ADGRD1: variants seen among roughly 807,000 people sequenced by gnomAD.
ADGRD1 encodes the protein G-protein coupled receptor 133.
ADGRD1 carries 77 observed loss-of-function variants against 113.4 expected under a neutral mutation model. The ratio of observed to expected loss-of-function variants is 0.68; its 90% CI spans 0.57 to 0.82. ADGRD1 has a LOEUF of 0.82. ADGRD1 is among the 40% of genes least tolerant of loss of function. The probability of loss-of-function intolerance (pLI) is 0.00; values close to 1 mark genes in which losing one functional copy is unlikely to be tolerated. For synonymous variants in ADGRD1, 474 were observed against 475.0 expected (o/e 1.00, Z 0.03); for missense variants, 1,036 against 1,139.1 (o/e 0.91, Z 1.30).
chr12:131,130,831 C>T (rs1035552691), intron 20 of ADGRD1, among the ~76,000 whole-genome samples: 4 of 152,288 alleles, frequency 2.6e-5, no homozygotes, highest in African/African-American at 4.8e-5. Flanking sequence ...TCAGAGACTG[C>T]CAGGCTCTGG....
chr12:131,075,523 G>T lies in ADGRD1; in HGVS notation c.1474-1278G>T, dbSNP rs1022118604. 2.0e-5 allele frequency among the ~76,000 whole-genome samples: 3 copies of T among 152,190 alleles called. No individual in the cohort carries two copies. Among genetic ancestry groups the T allele is most frequent in the Non-Finnish European group, 4.4e-5 (3 of 68,032 alleles). On this transcript the variant is annotated intron_variant, in intron 13 of 24. Transcript: ENST00000261654. This position sits in a 1 kb window ranked among gnomAD's most constrained non-coding sequence, Gnocchi z 5.3. ...CCTAAGATACGGGGCGGCAGGGGTGGGGGACAAAGCAAAAAGAGTAAACGT... is the reference window on the plus strand; with the variant it reads ...CCTAAGATACGGGGCGGCAGGGGTGTGGGACAAAGCAAAAAGAGTAAACGT...
At chr12:131,012,271 C>G (rs1878016769) in intron 12 of ADGRD1, among the ~76,000 whole-genome samples, 1 of 108,016 alleles carries the variant, frequency 9.3e-6, no homozygotes, top group Non-Finnish European at 2.0e-5. Context: ...GTGATGCTTT[C>G]TTTTCATTTT....
At chr12:131,101,373 C>CTTTTTTTTTTTTTTTTTT (rs796951608) in intron 15 of ADGRD1, among the ~76,000 whole-genome samples, 17 of 79,338 alleles carry the variant, frequency 2.1e-4, no homozygotes, top group Middle Eastern at 0.01. Context: ...CTTTTTCTTT[C>CTTTTTTTTTTTTTTTTTT]TTTCTTTTTT....
intron 16 of ADGRD1, among the ~76,000 whole-genome samples, chr12:131,105,288 G>A (rs756379391): frequency 4.6e-5 from 7 of 152,238 alleles, no homozygotes; most frequent in Non-Finnish European, 7.3e-5. Context: ...AAACAAAAGC[G>A]AGAACAAACA....
At chr12:131,001,762 G>C (rs1418567319) in intron 9 of ADGRD1, among the ~76,000 whole-genome samples, 2 of 152,164 alleles carry the variant, frequency 1.3e-5, no homozygotes, top group Non-Finnish European at 2.9e-5. Flanking sequence ...GCCAGGCAGG[G>C]GCAGAGAAGG....
intron 13 of ADGRD1, among the ~76,000 whole-genome samples, chr12:131,033,633 C>T (rs1026210485): frequency 3.3e-5 from 5 of 152,104 alleles, no homozygotes; most frequent in Admixed American, 2.6e-4. Context: ...GCCTGGGTCC[C>T]GGTGGAGTGG....
In ADGRD1 at chr12:130,987,315, G is replaced by A. The variant is rs199837477; in HGVS notation, c.711G>A (p.Pro237=). The part of the protein sequence containing the change: ...EFIIWERALT[P]DEIAMYFTAA... ...TCATCTGGGAGCGGGCTCTGACTCC[G>A]GATGAGATCGCCATGTACTTCACTG... Residue 237 remains proline (P), a synonymous_variant, in exon 6 of 25, where the codon CCG becomes CCA. Coordinates refer to ENST00000261654, the MANE Select transcript of ADGRD1 (RefSeq NM_198827.5). 721 of 1,614,180 alleles carry A rather than the reference G, an allele frequency of 4.5e-4. No individual in the cohort carries two copies. The highest frequency in any genetic ancestry group is 6.6e-4 in the Middle Eastern group (4 of 6,056).
intron 13 of ADGRD1, among the ~76,000 whole-genome samples, chr12:131,051,604 C>T (rs1458317714): frequency 6.6e-6 from 1 of 152,042 alleles, no homozygotes. Flanking sequence ...GTCCTTCAGC[C>T]TCCTGAGTAG....
At chr12:131,127,663 G>A (rs545204017) in intron 20 of ADGRD1, among the ~76,000 whole-genome samples, 1 of 146,840 alleles carries the variant, frequency 6.8e-6, no homozygotes, top group South Asian at 2.2e-4. Context: ...GTTGTTATGG[G>A]ACTCTGAGCT....
At chr12:130,963,297 G>A (rs1337310141) in intron 2 of ADGRD1, among the ~76,000 whole-genome samples, 6 of 143,948 alleles carry the variant, frequency 4.2e-5, no homozygotes, top group Non-Finnish European at 7.5e-5. Context: ...TCCAGCCTGG[G>A]CGACAGAGCC....
At chr12:131,123,039 G>GTTTTTT (rs552353187) in intron 20 of ADGRD1, among the ~76,000 whole-genome samples, 117 of 51,332 alleles carry the variant, frequency 2.3e-3, no homozygotes, top group Admixed American at 2.8e-3. Flanking sequence ...TACCTGGGGA[G>GTTTTTT]TTTTTTTTTT....
At chr12:130,987,639 C>T in intron 6 of ADGRD1, 1 of 449,188 alleles carries the variant, frequency 2.2e-6, no homozygotes, top group Non-Finnish European at 4.1e-6. Context: ...AGCAAGTATT[C>T]CAGATCCATT....
At chr12:131,089,321 G>A (rs1886738680) in intron 15 of ADGRD1, among the ~76,000 whole-genome samples, 1 of 152,224 alleles carries the variant, frequency 6.6e-6, no homozygotes, top group African/African-American at 2.4e-5. Context: ...CGGGGCTTCT[G>A]GACACAGGCA....
chr12:131,072,791 C>G (rs79539782), intron 13 of ADGRD1, among the ~76,000 whole-genome samples: 189 of 152,324 alleles, frequency 1.2e-3, no homozygotes, highest in African/African-American at 4.5e-3. Context: ...GGATTGATCA[C>G]ATGTTGGAAG....
At chr12:131,127,363 CAT>C (rs1950763628) in intron 20 of ADGRD1, among the ~76,000 whole-genome samples, 1 of 152,164 alleles carries the variant, frequency 6.6e-6, no homozygotes, top group African/African-American at 2.4e-5. Flanking sequence ...TGGGAACAGT[CAT>C]GTGTGCATCT....
At position 131,084,314 on chromosome 12, in the gene ADGRD1, C is replaced by T. The variant is rs1389836423; in HGVS notation, c.1548-226C>T. On this transcript the variant is annotated intron_variant, in intron 14 of 24. Coordinates refer to ENST00000261654, the MANE Select transcript of ADGRD1 (RefSeq NM_198827.5). The surrounding 1 kb of genome is among the most constrained non-coding windows in gnomAD (Gnocchi z 4.5). Reference sequence around the variant, plus strand: ...TGTCCCAGAGGGAGGGCCTTGCTTCCTGTGGCCTGACCAGCAGCAGACACT... The same window carrying T: ...TGTCCCAGAGGGAGGGCCTTGCTTCTTGTGGCCTGACCAGCAGCAGACACT... Among the ~76,000 whole-genome samples, 2 of 152,162 alleles carry T rather than the reference C, an allele frequency of 1.3e-5. No individual in the cohort carries two copies. The highest frequency in any genetic ancestry group is 6.5e-5 in the Admixed American group (1 of 15,284).
intron 13 of ADGRD1, among the ~76,000 whole-genome samples, chr12:131,032,225 G>A (rs28633702): frequency 4.6e-5 from 7 of 152,054 alleles, no homozygotes; most frequent in South Asian, 2.1e-4. Context: ...GGCGGCAGAC[G>A]TTCCCTCTCC....
At chr12:130,975,713 G>A (rs766848541) in intron 4 of ADGRD1, among the ~76,000 whole-genome samples, 1 of 152,152 alleles carries the variant, frequency 6.6e-6, no homozygotes, top group Non-Finnish European at 1.5e-5. Flanking sequence ...TTGCTGTGTC[G>A]GTTAAGATGA....
At chr12:131,008,681 G>A (rs1151358) in intron 12 of ADGRD1, among the ~76,000 whole-genome samples, 72,867 of 152,030 alleles carry the variant, frequency 0.48, 19,305 homozygotes, top group East Asian at 0.76. Flanking sequence ...TCGCTGCCTG[G>A]CCCCGCAATG....
Sources: gnomAD v4.1 joint callset for allele counts (sites outside exome capture counted in the v4.1 genomes callset) on GRCh38, gnomAD v4.1.1 for gene constraint, Gnocchi (gnomAD v3.1) non-coding constraint, MANE v1.5 for transcripts, NCBI Gene and HGNC (gene_info 2026-07-23, HGNC 2026-07-21) for gene names.